The following ABCB5 variants were observed in gnomAD, a reference collection of about 807,000 sequenced individuals.
ABCB5 encodes ATP binding cassette subfamily B member 5.
In ABCB5, 155 loss-of-function variants were observed where a neutral mutation model predicts 144.2. That is an observed-to-expected ratio of 1.08 (90% CI 0.94 to 1.23). The LOEUF (loss-of-function observed/expected upper bound fraction) is 1.23. ABCB5 is among the 50% of genes most tolerant of loss of function. The pLI is 0.00. For synonymous variants in ABCB5, 610 were observed against 528.6 expected (o/e 1.15, Z -2.11); for missense variants, 1,830 against 1,520.8 (o/e 1.20, Z -3.38).
intron 12 of ABCB5, among the ~76,000 whole-genome samples, chr7:20,650,677 T>C (rs2128025868): frequency 6.6e-6 from 1 of 152,304 alleles, no homozygotes; most frequent in Admixed American, 6.5e-5. Flanking sequence ...TCTTAATGCT[T>C]CTGTTCAAAG....
intron 24 of ABCB5, 96 bp from the exon 25 acceptor site, chr7:20,742,781 C>T: frequency 2.4e-6 from 3 of 1,225,090 alleles, no homozygotes; most frequent in Non-Finnish European, 2.3e-6. Context: ...GCTCTGGAAA[C>T]ATGCACAATT....
At chr7:20,704,162 G>C (rs1241578231) in intron 19 of ABCB5, among the ~76,000 whole-genome samples, 4 of 131,922 alleles carry the variant, frequency 3.0e-5, no homozygotes, top group Non-Finnish European at 6.1e-5. Context: ...TGAAACCTCT[G>C]CCTCCCAGGC....
intron 23 of ABCB5, among the ~76,000 whole-genome samples, chr7:20,730,489 A>G (rs1305588559): frequency 6.6e-6 from 1 of 152,228 alleles, no homozygotes; most frequent in African/African-American, 2.4e-5. Context: ...AGCCTGGATG[A>G]CAGAGTGAGA....
rs1787057259 is a variant in ABCB5 at position 20,711,802 on chromosome 7, T to TCCC, written c.2421+6995_2421+6996insCCC. On this transcript the variant is annotated intron_variant, in intron 20 of 27. Coordinates refer to ENST00000404938, the MANE Select transcript of ABCB5 (RefSeq NM_001163941.2). ...TCTCTTTCTTTCTTTCTTTCTTTCT[T>TCCC]TCTTTCTTTCTTTCTTTCTTTCTTT... 2.9e-5 allele frequency among the ~76,000 whole-genome samples: 2 copies of TCCC among 68,034 alleles called. 1 individual carries two copies. Among genetic ancestry groups the TCCC allele is most frequent in the African/African-American group, 1.3e-4 (2 of 15,862 alleles). 44.6% of individuals were successfully genotyped at this position (68,034 alleles called of 152,430 possible). A position where few individuals can be genotyped will look rare whatever the true frequency, so the allele number is the denominator to read the frequency against.
chr7:20,645,721 A>G, intron 7 of ABCB5, 35 bp from the exon 8 acceptor site: 1 of 1,610,532 alleles, frequency 6.2e-7, no homozygotes, highest in Non-Finnish European at 8.5e-7. Context: ...TACTACACAG[A>G]GTCATTTTTT....
rs539075395 is a variant in ABCB5, at chr7:20,658,944, T to C, written c.1707+268T>C. 3 of 1,165,874 alleles carry C rather than the reference T, an allele frequency of 2.6e-6. No individual in the cohort carries two copies. The South Asian group carries it at 3.8e-5, about 15-fold the overall frequency. 72.2% of individuals were successfully genotyped at this position (1,165,874 alleles called of 1,614,324 possible). A position where few individuals can be genotyped will look rare whatever the true frequency, so the allele number is the denominator to read the frequency against. ...CAGTCTATACCTCCATTCCAAGTGG[T>C]TTGCACTTTCCACCTCCCTAGAGTG... is the stretch of plus-strand genomic sequence containing the variant. On this transcript the variant is annotated intron_variant, in intron 14 of 27. Coordinates refer to ENST00000404938, the MANE Select transcript of ABCB5 (RefSeq NM_001163941.2).
intron 26 of ABCB5, among the ~76,000 whole-genome samples, chr7:20,749,927 G>A (rs1046713186): frequency 5.3e-5 from 8 of 152,212 alleles, no homozygotes; most frequent in Non-Finnish European, 1.2e-4. Context: ...TCATGGAACT[G>A]TAAGCCAATT....
At chr7:20,630,029 G>A (rs1583378593) in intron 4 of ABCB5, among the ~76,000 whole-genome samples, 1 of 151,976 alleles carries the variant, frequency 6.6e-6, no homozygotes, top group Non-Finnish European at 1.5e-5. Flanking sequence ...CATCTTTCGT[G>A]TATCGTTTGT....
intron 16 of ABCB5, among the ~76,000 whole-genome samples, chr7:20,693,101 C>G (rs916774938): frequency 2.0e-5 from 3 of 151,942 alleles, no homozygotes; most frequent in Non-Finnish European, 4.4e-5. Flanking sequence ...AAACATTTAC[C>G]AAAATAGACC....
rs1165694336 is a variant in ABCB5, at chr7:20,699,936, T to A, written c.2259+7T>A. 1 of 1,608,520 alleles carries A rather than the reference T, an allele frequency of 6.2e-7. No individual in the cohort carries two copies. Among genetic ancestry groups the A allele is most frequent in the Admixed American group, 1.7e-5 (1 of 59,688 alleles). On this transcript the variant is annotated splice_region_variant and intron_variant, in intron 18 of 27. Coordinates refer to ENST00000404938, the MANE Select transcript of ABCB5 (RefSeq NM_001163941.2). ...TGTCAGTTATTTCATGCAGGTAAGCTTTTAATAAACAAGCCTGAGCATGAT... is the reference window on the plus strand; with the variant it reads ...TGTCAGTTATTTCATGCAGGTAAGCATTTAATAAACAAGCCTGAGCATGAT...
At chr7:20,717,197 G>A (rs1221032947) in intron 20 of ABCB5, among the ~76,000 whole-genome samples, 1 of 152,150 alleles carries the variant, frequency 6.6e-6, no homozygotes, top group Non-Finnish European at 1.5e-5. Flanking sequence ...GGGGGTGGGA[G>A]GCAGAGGAGC....
At chr7:20,634,238 TTGTGTGTGTGTG>T (rs10688708) in intron 5 of ABCB5, among the ~76,000 whole-genome samples, 5 of 140,542 alleles carry the variant, frequency 3.6e-5, no homozygotes, top group African/African-American at 7.9e-5. Flanking sequence ...GTATTCCATG[TTGTGTGTGTGTG>T]TGTGTGTGTG....
intron 14 of ABCB5, among the ~76,000 whole-genome samples, chr7:20,667,850 TGCCTGCGATTGCAGGCGCAC>T (rs1266789513): frequency 5.3e-5 from 8 of 150,154 alleles, no homozygotes; most frequent in South Asian, 2.2e-4. Flanking sequence ...GCCTGCCGAG[TGCCTGCGATTGCAGGCGCAC>T]GCCGCCACGC....
At chr7:20,717,133 G>A (rs891721796) in intron 20 of ABCB5, among the ~76,000 whole-genome samples, 2 of 152,096 alleles carry the variant, frequency 1.3e-5, no homozygotes, top group Non-Finnish European at 1.5e-5. Context: ...AAGAACTTAA[G>A]GTCCACAGCA....
intron 3 of ABCB5, among the ~76,000 whole-genome samples, chr7:20,627,835 C>G (rs1049658956): frequency 1.3e-5 from 2 of 152,132 alleles, no homozygotes; most frequent in African/African-American, 2.4e-5. Context: ...TGAGCCAGAG[C>G]GTTGAAAATG....
chr7:20,653,358 A>G (rs568160110), intron 13 of ABCB5, among the ~76,000 whole-genome samples: 1 of 152,370 alleles, frequency 6.6e-6, no homozygotes, highest in East Asian at 1.9e-4. Context: ...ATAATGAATG[A>G]AAGTTCCAGA....
At chr7:20,675,301 G>A (rs1293174791) in intron 14 of ABCB5, among the ~76,000 whole-genome samples, 1 of 151,936 alleles carries the variant, frequency 6.6e-6, no homozygotes, top group Non-Finnish European at 1.5e-5. Context: ...TAAACATGGA[G>A]GCCAATGGGA....
intron 23 of ABCB5, among the ~76,000 whole-genome samples, chr7:20,737,875 T>C (rs546052367): frequency 6.6e-6 from 1 of 152,370 alleles, no homozygotes; most frequent in East Asian, 1.9e-4. Context: ...ATATCAGTAC[T>C]AAAAAATGCC....
intron 3 of ABCB5, among the ~76,000 whole-genome samples, 153 bp from the exon 4 acceptor site, chr7:20,628,535 A>C (rs1163217876): frequency 6.6e-6 from 1 of 152,184 alleles, no homozygotes; most frequent in Non-Finnish European, 1.5e-5. Flanking sequence ...ATATAAATAC[A>C]TATCTATGAT....
Sources: allele counts gnomAD v4.1 joint callset (sites outside exome capture counted in the v4.1 genomes callset), GRCh38; gene constraint gnomAD v4.1.1; transcripts MANE v1.5; gene names NCBI Gene and HGNC (gene_info 2026-07-23, HGNC 2026-07-21).